Variants in LMCD1 observed in about 807,000 individuals in gnomAD.
The protein encoded by LMCD1 is LIM and cysteine rich domains 1.
Under a neutral mutation model 42.7 loss-of-function variants are expected in LMCD1, and 32 were observed. The observed-to-expected ratio is 0.75, with a 90% CI of 0.57 to 1.01. The LOEUF is 1.01. Ranked by LOEUF, LMCD1 falls within the 50% of genes least tolerant of loss-of-function variation. The pLI is 0.00. For synonymous variants in LMCD1, 178 were observed against 184.9 expected, an observed-to-expected ratio of 0.96 and a Z score of 0.30; for missense variants, 458 against 483.1, an observed-to-expected ratio of 0.95 and a Z score of 0.49.
intron 1 of LMCD1, among the ~76,000 whole-genome samples, chr3:8,505,838 C>G (rs1693868690): frequency 6.6e-6 from 1 of 152,220 alleles, no homozygotes; most frequent in African/African-American, 2.4e-5. Context: ...CTGCAGTGTG[C>G]CAAACTACTG....
At chr3:8,520,526 C>T (rs1018127677) in intron 1 of LMCD1, among the ~76,000 whole-genome samples, 6 of 152,084 alleles carry the variant, frequency 3.9e-5, no homozygotes, top group African/African-American at 1.2e-4. Context: ...CCCACAGGGA[C>T]CTTATTTTCT....
intron 4 of LMCD1, among the ~76,000 whole-genome samples, chr3:8,556,509 T>C (rs926635238): frequency 3.3e-5 from 5 of 152,118 alleles, no homozygotes; most frequent in African/African-American, 1.2e-4. Context: ...CTGAGGAAAT[T>C]GTCTAGTCAC....
At chr3:8,504,225 C>G (rs531844643) in intron 1 of LMCD1, among the ~76,000 whole-genome samples, 2 of 152,290 alleles carry the variant, frequency 1.3e-5, no homozygotes, top group African/African-American at 4.8e-5. Context: ...GAGAAGCTCC[C>G]CTTGCTGAAC....
intron 3 of LMCD1, among the ~76,000 whole-genome samples, chr3:8,546,175 A>G (rs367572377): frequency 1.3e-5 from 2 of 152,176 alleles, no homozygotes; most frequent in South Asian, 2.1e-4. Flanking sequence ...AGTCAGTAGC[A>G]TGTAGATCAG....
At chr3:8,509,118 C>T (rs893085787) in intron 1 of LMCD1, among the ~76,000 whole-genome samples, 1 of 152,166 alleles carries the variant, frequency 6.6e-6, no homozygotes, top group Non-Finnish European at 1.5e-5. Context: ...CATAAAGTGC[C>T]TGGATACATA....
rs6763391 is a variant in LMCD1, at chr3:8,524,074, T to G, written c.43-8663T>G. Among the ~76,000 whole-genome samples the G allele has an allele frequency of 7.0e-3, 1,072 of 152,238 alleles. 19 individuals are homozygous for G. Among genetic ancestry groups the G allele is most frequent in the African/African-American group, 0.024 (1,015 of 41,536 alleles). On this transcript the variant is annotated intron_variant, in intron 1 of 5. Coordinates refer to ENST00000157600, the MANE Select transcript of LMCD1 (RefSeq NM_014583.4). ...CCAGACCCTTGTCAAGACCCCAGTC[T>G]TCCTTTTTTTTAAACTTTTAATTTT...
chr3:8,506,788 C>T (rs1399878130), intron 1 of LMCD1, among the ~76,000 whole-genome samples: 5 of 152,182 alleles, frequency 3.3e-5, no homozygotes, highest in Non-Finnish European at 5.9e-5. Context: ...GGCGTTTACT[C>T]ACTGGGTGAC....
intron 3 of LMCD1, among the ~76,000 whole-genome samples, chr3:8,543,393 T>C (rs1490532218): frequency 1.2e-4 from 11 of 91,770 alleles, no homozygotes; most frequent in African/African-American, 4.5e-4. Context: ...GATAGATAGA[T>C]AGATGATAGA....
intron 1 of LMCD1, among the ~76,000 whole-genome samples, chr3:8,508,995 A>G (rs1693940324): frequency 2.6e-5 from 4 of 152,238 alleles, no homozygotes; most frequent in Admixed American, 1.3e-4. Flanking sequence ...TCAATTTGCC[A>G]GGTCTGCAAA....
chr3:8,523,417 C>T (rs766081436), intron 1 of LMCD1, among the ~76,000 whole-genome samples: 1 of 152,188 alleles, frequency 6.6e-6, no homozygotes, highest in Non-Finnish European at 1.5e-5. Flanking sequence ...TCATATGACC[C>T]CAATGTAAAC....
At chr3:8,522,125 CAG>C (rs956950064) in intron 1 of LMCD1, among the ~76,000 whole-genome samples, 1 of 152,182 alleles carries the variant, frequency 6.6e-6, no homozygotes, top group Non-Finnish European at 1.5e-5. Flanking sequence ...AGGTCTTAAA[CAG>C]AGAAAGCTTT....
At chr3:8,553,029 C>G (rs1034420718) in intron 4 of LMCD1, among the ~76,000 whole-genome samples, 2 of 152,152 alleles carry the variant, frequency 1.3e-5, no homozygotes, top group African/African-American at 4.8e-5. Context: ...GTGGATTACC[C>G]CAAGCGAGCC....
intron 4 of LMCD1, among the ~76,000 whole-genome samples, chr3:8,560,279 C>T (rs1012537808): frequency 2.0e-5 from 3 of 152,146 alleles, no homozygotes; most frequent in African/African-American, 7.2e-5. Flanking sequence ...AAGAACCAGT[C>T]GTGGCTACCC....
At chr3:8,514,194 T>A (rs1438966672) in intron 1 of LMCD1, among the ~76,000 whole-genome samples, 1 of 152,134 alleles carries the variant, frequency 6.6e-6, no homozygotes, top group Non-Finnish European at 1.5e-5. Context: ...ATCCAATTTT[T>A]AAAAAACAGG....
Position 8,571,415 on chromosome 3 carries a change from G to A in LMCD1, c.*3817G>A, listed in dbSNP as rs886925128. Reference sequence around the variant, plus strand: ...TCAAATATAAAAATTTCAGACTGAGGTAGACACTGCTGGCAGCCTACACAT... The same window carrying A: ...TCAAATATAAAAATTTCAGACTGAGATAGACACTGCTGGCAGCCTACACAT... On this transcript the variant is annotated 3_prime_UTR_variant, in exon 6 of 6. Coordinates refer to ENST00000157600, the MANE Select transcript of LMCD1 (RefSeq NM_014583.4). The A allele has an allele frequency of 6.6e-6, 1 of 152,200 alleles. No homozygotes were observed. The highest frequency in any genetic ancestry group is 6.5e-5 in the Admixed American group (1 of 15,286). The allele number at this position is 152,200 out of a possible 1,614,324, so 9.4% of individuals were successfully genotyped here.
chr3:8,504,009 AC>A (rs1387194698), intron 1 of LMCD1, among the ~76,000 whole-genome samples: 1 of 151,930 alleles, frequency 6.6e-6, no homozygotes, highest in Non-Finnish European at 1.5e-5. Flanking sequence ...CCTTCTTGTC[AC>A]CCCCTAGTGC....
intron 4 of LMCD1, among the ~76,000 whole-genome samples, chr3:8,555,003 A>C (rs1366770107): frequency 6.6e-6 from 1 of 152,054 alleles, no homozygotes. Flanking sequence ...TGACTGCCCC[A>C]AAAGAGCAAA....
chr3:8,537,268 T>A lies in LMCD1; in HGVS notation c.215T>A (p.Leu72Ter). 1 of 1,614,158 alleles carries A rather than the reference T, an allele frequency of 6.2e-7. No homozygotes were observed. Among genetic ancestry groups the A allele is most frequent in the Non-Finnish European group, 8.5e-7 (1 of 1,180,024 alleles). The change falls in exon 3 of 6, where the codon TTG becomes TAG. Residue 72 changes from leucine to a stop codon, truncating the protein, a stop_gained. Transcript: ENST00000157600. LOFTEE classifies it high-confidence loss of function. ...GAAGACGATCGGAAAATTGGCCGCTTGCTGATGGACTCCAAGTATTCCACC... is the reference window on the plus strand; with the variant it reads ...GAAGACGATCGGAAAATTGGCCGCTAGCTGATGGACTCCAAGTATTCCACC... ...DLEDDRKIGRLLMDSKYSTLT... is the reference protein window; with the variant it reads ...DLEDDRKIGR
intron 4 of LMCD1, among the ~76,000 whole-genome samples, chr3:8,556,299 A>G (rs1049362948): frequency 6.6e-6 from 1 of 152,194 alleles, no homozygotes; most frequent in African/African-American, 2.4e-5. Context: ...GTCAGTGGGT[A>G]ATACATCAAT....
Sources: allele counts gnomAD v4.1 joint callset (sites outside exome capture counted in the v4.1 genomes callset), GRCh38; gene constraint gnomAD v4.1.1; transcripts MANE v1.5; gene names NCBI Gene and HGNC (gene_info 2026-07-23, HGNC 2026-07-21).